SLC35B4: variants seen among roughly 807,000 people sequenced by gnomAD.
The protein encoded by SLC35B4 is solute carrier family 35 member B4.
In SLC35B4, 28 loss-of-function variants were observed where a neutral mutation model predicts 39.5. The ratio of observed to expected loss-of-function variants is 0.71; its 90% CI spans 0.53 to 0.97. SLC35B4 has a LOEUF of 0.97. SLC35B4 is among the 50% of genes least tolerant of loss of function. The pLI is 0.00. For synonymous variants in SLC35B4, 145 were observed against 150.4 expected (o/e 0.96, Z 0.26); for missense variants, 334 against 414.3 (o/e 0.81, Z 1.68).
At position 134,289,749 on chromosome 7, in the gene SLC35B4, C is replaced by G. The variant is rs1056389184; in HGVS notation, c.*5084G>C. 6.6e-6 allele frequency: 1 copy of G among 152,200 alleles called. No homozygotes were observed. The highest frequency in any genetic ancestry group is 1.5e-5 in the Non-Finnish European group (1 of 68,038). 9.4% of individuals were successfully genotyped at this position (152,200 alleles called of 1,614,324 possible). ...GCCGGGGAATAACCACTACTGCTCTCTTTGGTTCACAAGAGTCATCTATGC... is the reference window on the plus strand; with the variant it reads ...GCCGGGGAATAACCACTACTGCTCTGTTTGGTTCACAAGAGTCATCTATGC... On this transcript the variant is annotated 3_prime_UTR_variant, in exon 10 of 10. Transcript: ENST00000378509.
intron 8 of SLC35B4, among the ~76,000 whole-genome samples, chr7:134,296,925 A>T (rs1803481537): frequency 6.6e-6 from 1 of 152,198 alleles, no homozygotes; most frequent in African/African-American, 2.4e-5. Flanking sequence ...TTCAAAACTT[A>T]TTAATTTATT....
At chr7:134,312,467 C>T (rs1396161011) in intron 1 of SLC35B4, among the ~76,000 whole-genome samples, 2 of 151,936 alleles carry the variant, frequency 1.3e-5, no homozygotes, top group East Asian at 1.9e-4. Context: ...GAGCCAGATG[C>T]GAAGGAGGAC....
intron 1 of SLC35B4, among the ~76,000 whole-genome samples, chr7:134,310,694 GC>G (rs1352636825): frequency 6.6e-6 from 1 of 151,904 alleles, no homozygotes; most frequent in Non-Finnish European, 1.5e-5. Flanking sequence ...ACAGGTGCCC[GC>G]CACCAGGCCC....
At chr7:134,316,988 G>A (rs1804002077), upstream of SLC35B4, 2 of 551,812 alleles carry the variant, frequency 3.6e-6, no homozygotes, top group Non-Finnish European at 6.4e-6. Context: ...TCCGAGCCCC[G>A]GCCAGACTAC....
chr7:134,306,273 A>AG (rs1321432700), intron 3 of SLC35B4, among the ~76,000 whole-genome samples: 1 of 151,562 alleles, frequency 6.6e-6, no homozygotes, highest in Non-Finnish European at 1.5e-5. Flanking sequence ...AAAAAAAAAA[A>AG]TCAGAAAAGA....
At chr7:134,317,311 A>G (rs968892591), upstream of SLC35B4, among the ~76,000 whole-genome samples, 1 of 152,064 alleles carries the variant, frequency 6.6e-6, no homozygotes, top group African/African-American at 2.4e-5. Flanking sequence ...ACTGATATAT[A>G]TATATGTATC....
At position 134,289,912 on chromosome 7, in the gene SLC35B4, C is replaced by T. The variant is rs1032921656; in HGVS notation, c.*4921G>A. Reference sequence around the variant, plus strand: ...ACTTGCCTCACTTGATTAAAATTGACAAATTTTGGTAGGACGGTTACCAAT... The same window carrying T: ...ACTTGCCTCACTTGATTAAAATTGATAAATTTTGGTAGGACGGTTACCAAT... On this transcript the variant is annotated 3_prime_UTR_variant, in exon 10 of 10. Coordinates refer to ENST00000378509, the MANE Select transcript of SLC35B4 (RefSeq NM_032826.5). 1 of 152,098 alleles carries T rather than the reference C, an allele frequency of 6.6e-6. No homozygotes were observed. Among genetic ancestry groups the T allele is most frequent in the Non-Finnish European group, 1.5e-5 (1 of 68,014 alleles). The allele number at this position is 152,098 out of a possible 1,614,324, so 9.4% of individuals were successfully genotyped here.
In SLC35B4 at chr7:134,316,659, C is replaced by G. The variant is rs1439385491; in HGVS notation, c.77+16G>C. The G allele has an allele frequency of 2.6e-6, 4 of 1,549,170 alleles. No homozygotes were observed. The highest frequency in any genetic ancestry group is 2.6e-6 in the Non-Finnish European group (3 of 1,146,574). On this transcript the variant is annotated intron_variant, in intron 1 of 9. Coordinates refer to ENST00000378509, the MANE Select transcript of SLC35B4 (RefSeq NM_032826.5). ...CCGCCCCGGGAGACCGGGTGCGGCC[C>G]GAGCGGGTCACTCACCGGGCCAGGA...
chr7:134,307,648 T>G (rs961618850), intron 2 of SLC35B4, among the ~76,000 whole-genome samples: 1 of 152,246 alleles, frequency 6.6e-6, no homozygotes, highest in Non-Finnish European at 1.5e-5. Context: ...TTCCATATTC[T>G]TCAGGAAATG....
Position 134,302,127 on chromosome 7 carries a change from A to G in SLC35B4, c.345-17T>C, listed in dbSNP as rs1803596514. On this transcript the variant is annotated splice_polypyrimidine_tract_variant and intron_variant, in intron 4 of 9. Transcript: ENST00000378509. ...ATACTGTATCTGCAAAAAAGAAAAAAAAGAAGAAAAACACCTTAGGAAAGC... is the reference window on the plus strand; with the variant it reads ...ATACTGTATCTGCAAAAAAGAAAAAGAAGAAGAAAAACACCTTAGGAAAGC... The G allele has an allele frequency of 6.3e-7, 1 of 1,596,996 alleles. No individual in the cohort carries two copies. The highest frequency in any genetic ancestry group is 8.5e-7 in the Non-Finnish European group (1 of 1,171,458).
chr7:134,308,771 A>G (rs1489163226), intron 2 of SLC35B4, among the ~76,000 whole-genome samples: 1 of 152,170 alleles, frequency 6.6e-6, no homozygotes, highest in Non-Finnish European at 1.5e-5. Flanking sequence ...TAACATAAGA[A>G]CTGCCCTGTT....
At chr7:134,305,005 T>C (rs937069515) in intron 3 of SLC35B4, 151 bp from the exon 4 acceptor site, 16 of 658,878 alleles carry the variant, frequency 2.4e-5, no homozygotes, top group South Asian at 1.1e-4. Flanking sequence ...GTTCTTATGA[T>C]GGCAAAAGTA....
At chr7:134,304,892 C>G (rs1180978789) in intron 3 of SLC35B4, 38 bp from the exon 4 acceptor site, 1 of 1,545,302 alleles carries the variant, frequency 6.5e-7, no homozygotes, top group Non-Finnish European at 8.9e-7. Context: ...AGGTTTAGTG[C>G]ACTAGGAAAA....
At chr7:134,316,549 G>A (rs551861598) in intron 1 of SLC35B4, 126 bp downstream of exon 1, 2 of 977,238 alleles carry the variant, frequency 2.0e-6, no homozygotes, top group South Asian at 1.6e-5. Context: ...GGCTCAGGCC[G>A]TCCTGCCCCG....
In SLC35B4 at chr7:134,292,173, A is replaced by G. The variant is rs1803344638; in HGVS notation, c.*2660T>C. The G allele has an allele frequency of 6.5e-6, 1 of 154,784 alleles. No individual in the cohort carries two copies. The highest frequency in any genetic ancestry group is 1.5e-5 in the Non-Finnish European group (1 of 68,220). The allele number at this position is 154,784 out of a possible 1,614,324, so 9.6% of individuals were successfully genotyped here. ...CAGTTAAGTAGGAGTCTGATCTTCTACAAAATAGTTTATTTGTCTTTTTAA... is the reference window on the plus strand; with the variant it reads ...CAGTTAAGTAGGAGTCTGATCTTCTGCAAAATAGTTTATTTGTCTTTTTAA... On this transcript the variant is annotated 3_prime_UTR_variant, in exon 10 of 10. Transcript: ENST00000378509.
At position 134,306,673 on chromosome 7, in the gene SLC35B4, G is replaced by C. The variant is rs975345763; in HGVS notation, c.293C>G (p.Ser98Cys). Residue 98 changes from serine to cysteine, a missense_variant and splice_region_variant, in exon 3 of 10, where the codon TCC becomes TGC. By Grantham distance (112) the Ser-to-Cys change is moderately radical. Coordinates refer to ENST00000378509, the MANE Select transcript of SLC35B4 (RefSeq NM_032826.5). ...TACACGTGATCCGGCAGCACTTACG[G>C]ATCTAAATATCATATGCAGGGGCAT... ...IAMPLHMIFR[S>C]GSLIANMILG... is the part of the protein sequence containing the mutation. The C allele has an allele frequency of 6.2e-7, 1 of 1,613,018 alleles. No individual in the cohort carries two copies. The highest frequency in any genetic ancestry group is 8.5e-7 in the Non-Finnish European group (1 of 1,179,292).
intron 3 of SLC35B4, 109 bp from the exon 4 acceptor site, chr7:134,304,963 A>G: frequency 1.2e-6 from 1 of 800,464 alleles, no homozygotes. Context: ...GAATGAAGGA[A>G]GCTAGGATGA....
In SLC35B4 at chr7:134,302,142, C is replaced by T. The variant is rs762961278; in HGVS notation, c.345-32G>A. ...AAAAGAAAAAAAAGAAGAAAAACAC[C>T]TTAGGAAAGCACAGATATGAATTTC... is the stretch of plus-strand genomic sequence containing the variant. On this transcript the variant is annotated intron_variant, in intron 4 of 9. Coordinates refer to ENST00000378509, the MANE Select transcript of SLC35B4 (RefSeq NM_032826.5). 19 of 1,548,192 alleles carry T rather than the reference C, an allele frequency of 1.2e-5. No individual in the cohort carries two copies. The Admixed American group carries it at 3.4e-4, about 28-fold the overall frequency.
chr7:134,300,570 T>G (rs1803559353), intron 6 of SLC35B4, among the ~76,000 whole-genome samples: 1 of 152,178 alleles, frequency 6.6e-6, no homozygotes, highest in Admixed American at 6.5e-5. Context: ...CATTAAAATT[T>G]TTTAAATAGA....
Sources: gnomAD v4.1 joint callset for allele counts (sites outside exome capture counted in the v4.1 genomes callset) on GRCh38, gnomAD v4.1.1 for gene constraint, MANE v1.5 for transcripts, NCBI Gene and HGNC (gene_info 2026-07-23, HGNC 2026-07-21) for gene names.